TMEM167A: variants seen among roughly 807,000 people sequenced by gnomAD.
TMEM167A encodes the protein transmembrane protein 167A.
In TMEM167A, 8 loss-of-function variants were observed where a neutral mutation model predicts 11.6. The ratio of observed to expected loss-of-function variants is 0.69; its 90% confidence interval spans 0.40 to 1.24. The LOEUF is 1.24. Ranked by LOEUF, TMEM167A falls within the 50% of genes most tolerant of loss-of-function variation. TMEM167A has a pLI of 0.01. For synonymous variants in TMEM167A, 22 were observed against 28.0 expected (o/e 0.79, Z 0.67); for missense variants, 62 against 87.0 (o/e 0.71, Z 1.14).
At chr5:83,063,188 C>T (rs1425881930) in intron 2 of TMEM167A, among the ~76,000 whole-genome samples, 2 of 151,928 alleles carry the variant, frequency 1.3e-5, no homozygotes, top group Non-Finnish European at 2.9e-5. Context: ...AAAATAAAGG[C>T]CAAATTATGC....
intron 1 of TMEM167A, among the ~76,000 whole-genome samples, chr5:83,067,495 T>C (rs1252290977): frequency 1.3e-5 from 2 of 152,124 alleles, no homozygotes; most frequent in African/African-American, 4.8e-5. Flanking sequence ...TGTGATTATC[T>C]GTGGATAGTT....
intron 3 of TMEM167A, 86 bp from the exon 4 acceptor site, chr5:83,057,240 T>A: frequency 1.5e-6 from 2 of 1,304,176 alleles, no homozygotes; most frequent in Non-Finnish European, 2.2e-6. Context: ...AGAATCAAGA[T>A]AACATTCTTC....
At chr5:83,060,465 T>C (rs180963675) in intron 3 of TMEM167A, among the ~76,000 whole-genome samples, 387 of 151,398 alleles carry the variant, frequency 2.6e-3, no homozygotes, top group Non-Finnish European at 4.1e-3. Flanking sequence ...AAGTGGTATA[T>C]GTACAAATGT....
intron 1 of TMEM167A, among the ~76,000 whole-genome samples, chr5:83,068,033 A>G (rs1744509256): frequency 6.6e-6 from 1 of 152,230 alleles, no homozygotes; most frequent in Non-Finnish European, 1.5e-5. Flanking sequence ...TACACATTTT[A>G]TAACATAAAT....
chr5:83,060,375 G>A (rs1411742964), intron 3 of TMEM167A, among the ~76,000 whole-genome samples: 1 of 151,546 alleles, frequency 6.6e-6, no homozygotes, highest in South Asian at 2.1e-4. Context: ...GTTAGAAGAA[G>A]AGTACTAAAC....
intron 1 of TMEM167A, among the ~76,000 whole-genome samples, chr5:83,074,060 CA>C (rs545883039): frequency 5.8e-4 from 88 of 152,304 alleles, no homozygotes; most frequent in African/African-American, 1.9e-3. Flanking sequence ...TTCCCTGCTC[CA>C]AAGCCTTTAT....
At chr5:83,075,540 A>G (rs1744629187) in intron 1 of TMEM167A, among the ~76,000 whole-genome samples, 1 of 152,190 alleles carries the variant, frequency 6.6e-6, no homozygotes, top group South Asian at 2.1e-4. Flanking sequence ...AGGTCAAGAG[A>G]TCGAGACCAT....
chr5:83,064,030 G>T (rs1744443842), intron 2 of TMEM167A, among the ~76,000 whole-genome samples: 1 of 151,918 alleles, frequency 6.6e-6, no homozygotes, highest in African/African-American at 2.4e-5. Context: ...TTAACAGAAA[G>T]AGACTAGGCC....
Position 83,057,164 on chromosome 5 carries a change from A to C in TMEM167A, c.149-10T>G, listed in dbSNP as rs370485842. On this transcript the variant is annotated splice_polypyrimidine_tract_variant and intron_variant, in intron 3 of 3. Coordinates refer to ENST00000502346, the MANE Select transcript of TMEM167A (RefSeq NM_174909.5). Reference sequence around the variant, plus strand: ...GGACTCTTCCGTTCACCTGTTGAAAAAAAGGAGATGTTCATCTTGATTAAC... The same window carrying C: ...GGACTCTTCCGTTCACCTGTTGAAACAAAGGAGATGTTCATCTTGATTAAC... The C allele has an allele frequency of 1.9e-6, 3 of 1,611,270 alleles. No individual in the cohort carries two copies. In the African/African-American group the frequency reaches 4.0e-5, roughly 22 times the overall value.
At chr5:83,062,181 T>G (rs1265155749) in intron 2 of TMEM167A, among the ~76,000 whole-genome samples, 3 of 152,082 alleles carry the variant, frequency 2.0e-5, no homozygotes, top group Non-Finnish European at 4.4e-5. Context: ...TTAGTGAGAG[T>G]GGCAAAAATT....
Position 83,067,968 on chromosome 5 carries a change from T to C in TMEM167A, c.4-2851A>G, listed in dbSNP as rs796645135. ...GATATAACAAAGATAAAATTTAATGTATCTTGGGTTTTAATTAAATTGGGT... is the reference window on the plus strand; with the variant it reads ...GATATAACAAAGATAAAATTTAATGCATCTTGGGTTTTAATTAAATTGGGT... On this transcript the variant is annotated intron_variant, in intron 1 of 3. Transcript: ENST00000502346. Among the ~76,000 whole-genome samples, 24 of 135,356 alleles carry C rather than the reference T, an allele frequency of 1.8e-4. No individual in the cohort carries two copies. In the South Asian group the frequency reaches 4.5e-3, roughly 26 times the overall value. The allele number at this position is 135,356 out of a possible 152,430, so 88.8% of individuals were successfully genotyped here.
Position 83,056,782 on chromosome 5 carries a change from A to C in TMEM167A, c.*302T>G. On this transcript the variant is annotated 3_prime_UTR_variant, in exon 4 of 4. Coordinates refer to ENST00000502346, the MANE Select transcript of TMEM167A (RefSeq NM_174909.5). ...GAGTAATTAACCAATTTTGTTTTCT[A>C]CTATGTGCCTTAGAGATACCTCACT... 1 of 344,166 alleles carries C rather than the reference A, an allele frequency of 2.9e-6. No individual in the cohort carries two copies. The highest frequency in any genetic ancestry group is 5.3e-6 in the Non-Finnish European group (1 of 189,146). The allele number at this position is 344,166 out of a possible 1,614,324, so 21.3% of individuals were successfully genotyped here. A position where few individuals can be genotyped will look rare whatever the true frequency, so the allele number is the denominator to read the frequency against.
rs1475156682 is a variant in TMEM167A, at chr5:83,053,139, A to G, written c.*3945T>C. On this transcript the variant is annotated 3_prime_UTR_variant, in exon 4 of 4. Transcript: ENST00000502346. ...TTCACAATGCTGGTATTAATCAGCTACATATTTTGAACATCTACTGTTACT... is the reference window on the plus strand; with the variant it reads ...TTCACAATGCTGGTATTAATCAGCTGCATATTTTGAACATCTACTGTTACT... 6.6e-6 allele frequency: 1 copy of G among 151,994 alleles called. No individual in the cohort carries two copies. The highest frequency in any genetic ancestry group is 6.6e-5 in the Admixed American group (1 of 15,218). 9.4% of individuals were successfully genotyped at this position (151,994 alleles called of 1,614,324 possible).
chr5:83,063,543 T>A (rs1040534824), intron 2 of TMEM167A, among the ~76,000 whole-genome samples: 5 of 152,070 alleles, frequency 3.3e-5, no homozygotes, highest in African/African-American at 1.2e-4. Flanking sequence ...AAAATATCAT[T>A]AAGAAACTGG....
intron 1 of TMEM167A, among the ~76,000 whole-genome samples, chr5:83,073,619 G>C (rs902545629): frequency 3.3e-5 from 5 of 152,228 alleles, no homozygotes; most frequent in Non-Finnish European, 7.3e-5. Context: ...CCAGTGCAGA[G>C]CACTCAAACT....
intron 1 of TMEM167A, among the ~76,000 whole-genome samples, chr5:83,076,161 C>T (rs1744653308): frequency 6.6e-6 from 1 of 152,220 alleles, no homozygotes. Context: ...GCAAGTCAGT[C>T]TCTTCATGTT....
chr5:83,063,763 G>C (rs1277254379), intron 2 of TMEM167A, among the ~76,000 whole-genome samples: 1 of 151,950 alleles, frequency 6.6e-6, no homozygotes, highest in East Asian at 1.9e-4. Context: ...ACGTTGCTTA[G>C]TTATTATGGC....
Position 83,077,177 on chromosome 5 carries a change from G to A in TMEM167A, c.3+144C>T, listed in dbSNP as rs192179987. The A allele has an allele frequency of 1.5e-5, 18 of 1,171,264 alleles. No homozygotes were observed. The East Asian group carries it at 4.0e-4, about 26-fold the overall frequency. The allele number at this position is 1,171,264 out of a possible 1,614,324, so 72.6% of individuals were successfully genotyped here. On this transcript the variant is annotated intron_variant, in intron 1 of 3. Coordinates refer to ENST00000502346, the MANE Select transcript of TMEM167A (RefSeq NM_174909.5). The stretch of plus-strand genomic sequence containing the variant: ...GGACAGTCCGTCCTGATTCTCTCTG[G>A]TTGGCCGTGGAGGGACCACATGGCT...
intron 1 of TMEM167A, among the ~76,000 whole-genome samples, chr5:83,067,287 G>C (rs1429370610): frequency 6.6e-6 from 1 of 151,936 alleles, no homozygotes; most frequent in Non-Finnish European, 1.5e-5. Context: ...AATGTCATTT[G>C]AATCTTTTCT....
Sources: gnomAD v4.1 joint callset for allele counts (sites outside exome capture counted in the v4.1 genomes callset) on GRCh38, gnomAD v4.1.1 for gene constraint, MANE v1.5 for transcripts, NCBI Gene and HGNC (gene_info 2026-07-23, HGNC 2026-07-21) for gene names.